The following SHANK2 variants were observed in gnomAD, a reference collection of about 807,000 sequenced individuals.
The protein encoded by SHANK2 is SH3 and multiple ankyrin repeat domains protein 2.
SHANK2 carries 43 observed loss-of-function variants against 133.7 expected under a neutral mutation model. The ratio of observed to expected loss-of-function variants is 0.32; its 90% CI spans 0.25 to 0.41. SHANK2 has a LOEUF of 0.41. SHANK2 is among the 10% of genes least tolerant of loss of function. SHANK2 has a pLI of 1.00. For synonymous variants in SHANK2, 1,017 were observed against 952.8 expected, an observed-to-expected ratio of 1.07 and a Z score of -1.24; for missense variants, 1,994 against 2,235.8, an observed-to-expected ratio of 0.89 and a Z score of 2.18.
chr11:70,707,728 G>A (rs192685577), intron 14 of SHANK2, among the ~76,000 whole-genome samples: 3 of 152,268 alleles, frequency 2.0e-5, no homozygotes, highest in South Asian at 2.1e-4. Flanking sequence ...CCCAGCATCC[G>A]GCCTGGGGAA....
intron 2 of SHANK2, among the ~76,000 whole-genome samples, chr11:71,153,395 G>A (rs1952838381): frequency 6.6e-6 from 1 of 152,128 alleles, no homozygotes; most frequent in South Asian, 2.1e-4. Context: ...CTAACGAGGA[G>A]AAAAGAAAAT....
chr11:70,745,435 C>T (rs1946618692), intron 14 of SHANK2, among the ~76,000 whole-genome samples: 1 of 152,202 alleles, frequency 6.6e-6, no homozygotes, highest in Non-Finnish European at 1.5e-5. Context: ...GCTCACAGTC[C>T]CTCAAAACAA....
intron 17 of SHANK2, among the ~76,000 whole-genome samples, chr11:70,606,150 C>T (rs1360581606): frequency 6.6e-6 from 1 of 152,100 alleles, no homozygotes; most frequent in Non-Finnish European, 1.5e-5. Context: ...CCAGCAAAGA[C>T]CCCACTCAAA....
At chr11:70,868,518 G>A (rs1555069549) in intron 11 of SHANK2, among the ~76,000 whole-genome samples, 1 of 152,216 alleles carries the variant, frequency 6.6e-6, no homozygotes, top group East Asian at 1.9e-4. Flanking sequence ...GGCACAGAGA[G>A]GTTAAGTAAC....
intron 14 of SHANK2, among the ~76,000 whole-genome samples, chr11:70,712,329 C>T (rs999130222): frequency 2.0e-5 from 3 of 152,168 alleles, no homozygotes; most frequent in Non-Finnish European, 4.4e-5. Context: ...GTTCCCTCTC[C>T]GACCTCCACT....
chr11:71,166,432 C>A (rs1953150800), intron 2 of SHANK2, among the ~76,000 whole-genome samples: 1 of 150,852 alleles, frequency 6.6e-6, no homozygotes, highest in East Asian at 2.0e-4. Context: ...CCCGGTATTA[C>A]AAGACATGAC....
chr11:71,142,813 A>G (rs1952582045), intron 3 of SHANK2, among the ~76,000 whole-genome samples: 1 of 85,090 alleles, frequency 1.2e-5, no homozygotes, highest in Admixed American at 1.0e-4. Flanking sequence ...AATCTAGTCC[A>G]AAAAAAAAAA....
chr11:70,680,407 GC>G lies in SHANK2; in HGVS notation c.1853+18280del, dbSNP rs143812474. On this transcript the variant is annotated intron_variant, in intron 15 of 25. Transcript: ENST00000601538. ...CCACCCAGGCTCCAGAGGAGGGGCT[GC>G]TTGTGTTCTCTGGTTTCTAGTGGCC... 9.4e-3 allele frequency among the ~76,000 whole-genome samples: 1,435 copies of G among 152,254 alleles called. 21 individuals are homozygous for G. The highest frequency in any genetic ancestry group is 0.033 in the African/African-American group (1,362 of 41,540).
intron 15 of SHANK2, among the ~76,000 whole-genome samples, chr11:70,681,742 A>G (rs1945033755): frequency 6.6e-6 from 1 of 152,058 alleles, no homozygotes; most frequent in Admixed American, 6.5e-5. Flanking sequence ...CCAGTACCTA[A>G]TGGAGTGACT....
At chr11:70,538,732 G>A (rs1554974606) in intron 17 of SHANK2, among the ~76,000 whole-genome samples, 1 of 152,198 alleles carries the variant, frequency 6.6e-6, no homozygotes, top group African/African-American at 2.4e-5. Flanking sequence ...ACCAGCCAGG[G>A]GGCAGAACAG....
chr11:71,112,779 A>C (rs1182787146), intron 5 of SHANK2, among the ~76,000 whole-genome samples: 1 of 151,856 alleles, frequency 6.6e-6, no homozygotes, highest in Non-Finnish European at 1.5e-5. Flanking sequence ...CAGGGTGTTC[A>C]TGGTGTGGAT....
At chr11:70,902,006 C>G (rs984010449) in intron 10 of SHANK2, among the ~76,000 whole-genome samples, 2 of 152,218 alleles carry the variant, frequency 1.3e-5, no homozygotes, top group Non-Finnish European at 2.9e-5. Flanking sequence ...TGGGGACAGA[C>G]CATACGAGGG....
chr11:71,088,189 C>T (rs1477130007), intron 8 of SHANK2, among the ~76,000 whole-genome samples: 1 of 152,160 alleles, frequency 6.6e-6, no homozygotes, highest in Non-Finnish European at 1.5e-5. Flanking sequence ...AAACAGGATC[C>T]CCGCAGCGGC....
chr11:70,585,292 C>A lies in SHANK2; in HGVS notation c.2061+74536G>T, dbSNP rs116279759. On this transcript the variant is annotated intron_variant, in intron 17 of 25. Transcript: ENST00000601538. ...ATGGGGCAGGGATGACCAGTAGAGC[C>A]AGCTGGATGGGCTGATTTTTGAAGC... Among the ~76,000 whole-genome samples, 518 of 152,312 alleles carry A rather than the reference C, an allele frequency of 3.4e-3. 2 individuals are homozygous for A. The highest frequency in any genetic ancestry group is 0.012 in the African/African-American group (496 of 41,560).
chr11:70,946,488 TC>T (rs1401618928), intron 10 of SHANK2, among the ~76,000 whole-genome samples: 12 of 130,264 alleles, frequency 9.2e-5, no homozygotes, highest in African/African-American at 2.4e-4. Context: ...AGCATCAGCC[TC>T]CCTGTCCACT....
intron 17 of SHANK2, among the ~76,000 whole-genome samples, chr11:70,602,101 A>G (rs1554991182): frequency 6.6e-6 from 1 of 152,160 alleles, no homozygotes; most frequent in African/African-American, 2.4e-5. Context: ...GCTCTGGTTA[A>G]GTGCGTGGCA....
At chr11:70,801,706 C>T (rs547547072) in intron 13 of SHANK2, among the ~76,000 whole-genome samples, 7 of 152,154 alleles carry the variant, frequency 4.6e-5, no homozygotes, top group Admixed American at 1.3e-4. Flanking sequence ...TTGGCCCCAT[C>T]ACTGGGATGC....
At chr11:70,531,746 G>A (rs2059475810) in intron 17 of SHANK2, among the ~76,000 whole-genome samples, 1 of 152,194 alleles carries the variant, frequency 6.6e-6, no homozygotes, top group African/African-American at 2.4e-5. Context: ...GGAAGTCCTG[G>A]GCCTGCATGT....
intron 2 of SHANK2, among the ~76,000 whole-genome samples, chr11:71,206,285 C>T (rs1954125326): frequency 6.6e-6 from 1 of 152,130 alleles, no homozygotes. Flanking sequence ...CAACAGCATC[C>T]GCACACCCGG....
Sources: allele counts gnomAD v4.1 joint callset (sites outside exome capture counted in the v4.1 genomes callset), GRCh38; gene constraint gnomAD v4.1.1; transcripts MANE v1.5; gene names NCBI Gene and HGNC (gene_info 2026-07-23, HGNC 2026-07-21).